Variants in EMSY observed in about 807,000 individuals in gnomAD.
The protein encoded by EMSY is EMSY transcriptional repressor, BRCA2 interacting, also known as BRCA2-interacting transcriptional repressor EMSY.
EMSY carries 26 observed loss-of-function variants against 134.6 expected under a neutral mutation model. The observed-to-expected ratio is 0.19, with a 90% CI of 0.14 to 0.27. The LOEUF is 0.27. Among genes scored for constraint, EMSY ranks in the 10% least tolerant of loss-of-function variants. The pLI, the probability that EMSY is intolerant of heterozygous loss-of-function variation, is 1.00. For synonymous variants in EMSY, 579 were observed against 577.8 expected, an observed-to-expected ratio of 1.00 and a Z score of -0.03; for missense variants, 1,305 against 1,611.4, an observed-to-expected ratio of 0.81 and a Z score of 3.26.
At position 76,535,796 on chromosome 11, in the gene EMSY, TAGAA is replaced by T. The variant is rs374045643; in HGVS notation, c.2195-95_2195-92del. ...GATAAAGCATGAAGTTTACAATAAA[TAGAA>T]AGATAAGCAAACAGACAAAAAAATT... On this transcript the variant is annotated intron_variant, in intron 14 of 20. Transcript: ENST00000334736. 4.2e-4 allele frequency: 404 copies of T among 969,092 alleles called. 3 individuals are homozygous for T. The East Asian group carries it at 9.3e-3, about 22-fold the overall frequency. The allele number at this position is 969,092 out of a possible 1,614,324, so 60.0% of individuals were successfully genotyped here.
At chr11:76,488,440 C>G (rs5023625) in intron 8 of EMSY, among the ~76,000 whole-genome samples, 1 of 151,912 alleles carries the variant, frequency 6.6e-6, no homozygotes, top group African/African-American at 2.4e-5. Context: ...GCACTCTAGC[C>G]TGGGCATTAA....
intron 9 of EMSY, among the ~76,000 whole-genome samples, chr11:76,506,917 AAAAG>A (rs1332184693): frequency 1.3e-5 from 2 of 152,346 alleles, no homozygotes; most frequent in East Asian, 1.9e-4. Flanking sequence ...GAATTTTAAA[AAAAG>A]AAAGACTGGA....
chr11:76,534,740 T>C (rs1951166810), intron 14 of EMSY, among the ~76,000 whole-genome samples: 1 of 152,166 alleles, frequency 6.6e-6, no homozygotes, highest in South Asian at 2.1e-4. Context: ...ACTTTCTGTT[T>C]GTCTTGTTTG....
At chr11:76,453,208 A>G (rs1947736740) in intron 3 of EMSY, 106 bp from the exon 4 acceptor site, 1 of 921,170 alleles carries the variant, frequency 1.1e-6, no homozygotes, top group Non-Finnish European at 1.7e-6. Context: ...TCACAAAGCA[A>G]TCTTGTCCCC....
At chr11:76,472,759 C>T (rs1948625104) in exon 8 of EMSY, 1 of 1,614,158 alleles carries the variant, frequency 6.2e-7, no homozygotes, top group East Asian at 2.2e-5. Flanking sequence ...CAGTTCTACA[C>T]CATCACCTAT....
At chr11:76,454,319 G>A (rs1361976408) in intron 4 of EMSY, among the ~76,000 whole-genome samples, 4 of 151,908 alleles carry the variant, frequency 2.6e-5, no homozygotes, top group African/African-American at 9.7e-5. Context: ...TTTCAACAAC[G>A]TAGTTTGAAG....
At chr11:76,454,652 AG>A in intron 4 of EMSY, 96 bp from the exon 5 acceptor site, 1 of 712,064 alleles carries the variant, frequency 1.4e-6, no homozygotes, top group Non-Finnish European at 2.2e-6. Flanking sequence ...AGCATTGGAA[AG>A]GTATTGTGGG....
chr11:76,506,131 A>G (rs918275610), intron 9 of EMSY, among the ~76,000 whole-genome samples: 5 of 152,112 alleles, frequency 3.3e-5, no homozygotes, highest in Non-Finnish European at 7.3e-5. Flanking sequence ...AAATAAATAA[A>G]TAAAATTTAA....
chr11:76,532,217 T>A (rs1018100364), intron 14 of EMSY, among the ~76,000 whole-genome samples: 14 of 152,138 alleles, frequency 9.2e-5, no homozygotes, highest in Non-Finnish European at 1.5e-5. Flanking sequence ...ATCCAAAGAG[T>A]TCAGTTAGGA....
chr11:76,512,935 A>G (rs766716509), intron 9 of EMSY, among the ~76,000 whole-genome samples: 34 of 152,260 alleles, frequency 2.2e-4, no homozygotes, highest in Non-Finnish European at 4.0e-4. Context: ...TGTCTTTATA[A>G]TTTTCAACAG....
At chr11:76,515,424 T>G (rs2136151496) in intron 10 of EMSY, among the ~76,000 whole-genome samples, 1 of 152,196 alleles carries the variant, frequency 6.6e-6, no homozygotes, top group African/African-American at 2.4e-5. Context: ...TAATTCCTGT[T>G]TGGAGAAAAG....
chr11:76,482,512 AGG>A (rs1446388085), intron 8 of EMSY, among the ~76,000 whole-genome samples: 1 of 152,230 alleles, frequency 6.6e-6, no homozygotes, highest in Non-Finnish European at 1.5e-5. Flanking sequence ...AAAAGAGGTT[AGG>A]GGAATTGCTA....
At chr11:76,463,860 G>A (rs2135173645) in exon 7 of EMSY, 8 of 1,614,124 alleles carry the variant, frequency 5.0e-6, no homozygotes, top group Non-Finnish European at 6.8e-6. Flanking sequence ...CCCAGAAAAC[G>A]AAGGCGAACA....
At chr11:76,496,135 A>G (rs1590894189) in intron 8 of EMSY, 80 bp from the exon 10 acceptor site, 3 of 1,431,182 alleles carry the variant, frequency 2.1e-6, no homozygotes, top group South Asian at 1.4e-5. Context: ...TCTTTAAACT[A>G]TTATCTACTA....
chr11:76,502,546 A>C (rs149249212), intron 9 of EMSY, among the ~76,000 whole-genome samples: 139 of 151,390 alleles, frequency 9.2e-4, no homozygotes, highest in African/African-American at 3.1e-3. Flanking sequence ...AAAACAAAAA[A>C]CAAAAAAAAC....
chr11:76,461,830 G>T (rs1948131482), intron 6 of EMSY, among the ~76,000 whole-genome samples: 1 of 152,154 alleles, frequency 6.6e-6, no homozygotes, highest in Admixed American at 6.5e-5. Context: ...TATTTGGGAG[G>T]CTGAGACAGG....
chr11:76,449,141 T>G (rs940636662), intron 2 of EMSY, among the ~76,000 whole-genome samples: 7 of 152,224 alleles, frequency 4.6e-5, no homozygotes, highest in Non-Finnish European at 7.4e-5. Flanking sequence ...GTTTGTTATT[T>G]TATTCTACTT....
chr11:76,518,002 T>A (rs1950506608), intron 11 of EMSY, among the ~76,000 whole-genome samples: 1 of 152,090 alleles, frequency 6.6e-6, no homozygotes, highest in Non-Finnish European at 1.5e-5. Context: ...ATAATATTGT[T>A]GATCCATGAT....
chr11:76,545,896 G>A (rs777428346), exon 20 of EMSY: 3 of 1,614,174 alleles, frequency 1.9e-6, no homozygotes, highest in South Asian at 1.1e-5. Flanking sequence ...TGGCAGTTCT[G>A]TGCCTAAGCT....
Sources: gnomAD v4.1 joint callset for allele counts (sites outside exome capture counted in the v4.1 genomes callset) on GRCh38, gnomAD v4.1.1 for gene constraint, MANE v1.5 for transcripts, NCBI Gene and HGNC (gene_info 2026-07-23, HGNC 2026-07-21) for gene names.